Variants in PITPNC1 observed in about 807,000 individuals in gnomAD.
The protein encoded by PITPNC1 is cytoplasmic phosphatidylinositol transfer protein 1.
A neutral mutation model predicts 44.7 loss-of-function variants in PITPNC1; 18 were observed. The ratio of observed to expected loss-of-function variants is 0.40; its 90% CI spans 0.28 to 0.60. The LOEUF (loss-of-function observed/expected upper bound fraction) is 0.60, where lower values mean the gene tolerates loss of function less well. PITPNC1 is among the 20% of genes least tolerant of loss of function. The probability of loss-of-function intolerance (pLI) is 0.39; values close to 1 mark genes in which losing one functional copy is unlikely to be tolerated. For synonymous variants in PITPNC1, 141 were observed against 149.6 expected, an observed-to-expected ratio of 0.94 and a Z score of 0.42; for missense variants, 290 against 418.4, an observed-to-expected ratio of 0.69 and a Z score of 2.68.
At chr17:67,424,080 T>G (rs1379863564) in intron 1 of PITPNC1, among the ~76,000 whole-genome samples, 2 of 115,112 alleles carry the variant, frequency 1.7e-5, no homozygotes, top group African/African-American at 3.5e-5. Context: ...AGTGGGAGAC[T>G]GTCTCAAAAA....
At chr17:67,383,889 T>C (rs966394624) in intron 1 of PITPNC1, among the ~76,000 whole-genome samples, 1 of 151,926 alleles carries the variant, frequency 6.6e-6, no homozygotes, top group Non-Finnish European at 1.5e-5. Flanking sequence ...AATACAAAAT[T>C]AGCCAGGCGT....
chr17:67,420,374 TCCTCCCTCC>T (rs138570444), intron 1 of PITPNC1, among the ~76,000 whole-genome samples: 130 of 67,576 alleles, frequency 1.9e-3, no homozygotes, highest in African/African-American at 6.8e-3. Context: ...CTTCCTTCCT[TCCTCCCTCC>T]CCTCCCTCCC....
intron 1 of PITPNC1, among the ~76,000 whole-genome samples, chr17:67,403,218 C>CAAAAAAAAAAAAAAAAAAAAAAAAAAAA (rs34768084): frequency 1.4e-5 from 1 of 68,974 alleles, no homozygotes; most frequent in African/African-American, 5.2e-5. Flanking sequence ...CTCATCTCTA[C>CAAAAAAAAAAAAAAAAAAAAAAAAAAAA]AAAAAAAAAA....
At chr17:67,546,582 G>A (rs35336330) in intron 2 of PITPNC1, among the ~76,000 whole-genome samples, 4,388 of 152,286 alleles carry the variant, frequency 0.029, 89 homozygotes, top group Middle Eastern at 0.058. Flanking sequence ...TGTGTCCTGT[G>A]TCGCCTTGCC....
intron 4 of PITPNC1, among the ~76,000 whole-genome samples, chr17:67,567,441 G>A (rs536371512): frequency 3.6e-4 from 55 of 151,924 alleles, no homozygotes; most frequent in Admixed American, 5.9e-4. Context: ...CCAAAATTGC[G>A]CCACTGCAAT....
At position 67,377,829 on chromosome 17, in the gene PITPNC1, G is replaced by GCCGCTCCTACCA. The variant is rs2037894865; in HGVS notation, c.-323_-312dup. ...CTGCCGGGCATGTCCTGATCTGGCGGCCGCTCCTACCACCCTGGGCAGCCG... is the reference window on the plus strand; with the variant it reads ...CTGCCGGGCATGTCCTGATCTGGCGGCCGCTCCTACCACCGCTCCTACCACCCTGGGCAGCCG... On this transcript the variant is annotated 5_prime_UTR_variant, in exon 1 of 9. Transcript: ENST00000581322. The GCCGCTCCTACCA allele has an allele frequency of 3.2e-6, 1 of 314,072 alleles. No individual in the cohort carries two copies. The highest frequency in any genetic ancestry group is 2.2e-5 in the African/African-American group (1 of 46,214). The allele number at this position is 314,072 out of a possible 1,614,324, so 19.5% of individuals were successfully genotyped here. A position where few individuals can be genotyped will look rare whatever the true frequency, so the allele number is the denominator to read the frequency against.
intron 1 of PITPNC1, among the ~76,000 whole-genome samples, chr17:67,434,920 C>T (rs2038914032): frequency 6.6e-6 from 1 of 151,622 alleles, no homozygotes; most frequent in Admixed American, 6.6e-5. Context: ...ACCAGCCTGG[C>T]CAACATGGAG....
chr17:67,692,542 T>C, intron 8 of PITPNC1, 30 bp from the exon 9 acceptor site: 1 of 1,525,584 alleles, frequency 6.6e-7, no homozygotes, highest in African/African-American at 1.4e-5. Flanking sequence ...AAATAACTGC[T>C]CGTTTTTCTT....
intron 1 of PITPNC1, among the ~76,000 whole-genome samples, chr17:67,425,423 T>C (rs2038749533): frequency 6.6e-6 from 1 of 151,582 alleles, no homozygotes; most frequent in East Asian, 1.9e-4. Context: ...CTTCTTCCTG[T>C]CTTCTTTCTT....
intron 2 of PITPNC1, among the ~76,000 whole-genome samples, chr17:67,539,124 T>C (rs145302136): frequency 1.5e-4 from 23 of 152,282 alleles, no homozygotes; most frequent in African/African-American, 5.5e-4. Context: ...CATCCTCTTT[T>C]ACACACATCA....
At chr17:67,462,863 C>T (rs1321268069) in intron 1 of PITPNC1, among the ~76,000 whole-genome samples, 2 of 152,134 alleles carry the variant, frequency 1.3e-5, no homozygotes, top group Non-Finnish European at 2.9e-5. Flanking sequence ...CCGCTACGCC[C>T]GGCTAATTTT....
In PITPNC1 at chr17:67,545,682, T is replaced by A. The variant is rs547775857; in HGVS notation, c.198-6575T>A. 2.6e-5 allele frequency among the ~76,000 whole-genome samples: 4 copies of A among 152,262 alleles called. No homozygotes were observed. The East Asian group carries it at 7.7e-4, about 29-fold the overall frequency. On this transcript the variant is annotated intron_variant, in intron 2 of 8. Transcript: ENST00000581322. ...GCCCATGCTATGTTTGAAAGATGGC[T>A]CCTTATCTAGTAATAGCTGGTCAAG... is the stretch of plus-strand genomic sequence containing the variant.
intron 8 of PITPNC1, among the ~76,000 whole-genome samples, chr17:67,686,896 C>T (rs546332554): frequency 1.3e-5 from 2 of 152,100 alleles, no homozygotes; most frequent in African/African-American, 4.8e-5. Flanking sequence ...GCCCTCACTC[C>T]CCCTTTGGTT....
chr17:67,563,556 G>A (rs1484129060), intron 4 of PITPNC1, among the ~76,000 whole-genome samples: 2 of 152,162 alleles, frequency 1.3e-5, no homozygotes, highest in African/African-American at 4.8e-5. Context: ...TCTTCTCAAT[G>A]AGTGGTTTTC....
intron 6 of PITPNC1, among the ~76,000 whole-genome samples, chr17:67,656,715 TGG>T (rs2042272816): frequency 3.3e-5 from 5 of 152,104 alleles, no homozygotes; most frequent in African/African-American, 1.2e-4. Context: ...AACTTGCCTG[TGG>T]AAAGGCCCAG....
At chr17:67,603,700 C>T (rs545825074) in intron 5 of PITPNC1, among the ~76,000 whole-genome samples, 20 of 152,212 alleles carry the variant, frequency 1.3e-4, no homozygotes, top group African/African-American at 4.3e-4. Context: ...GAGGCTGAGG[C>T]GGACGAATCA....
rs1491153982 is a variant in PITPNC1, at chr17:67,425,196, C to CGT, written c.48+46995_48+46996insTG. Among the ~76,000 whole-genome samples, 18 of 31,612 alleles carry CGT rather than the reference C, an allele frequency of 5.7e-4. 1 individual carries two copies. The South Asian group carries it at 0.011, about 20-fold the overall frequency. The allele number at this position is 31,612 out of a possible 152,430, so 20.7% of individuals were successfully genotyped here. Reference sequence around the variant, plus strand: ...TAAACAGCCATGTTGTGCGCGCGCACGCACACGCACACACACACACACACA... The same window carrying CGT: ...TAAACAGCCATGTTGTGCGCGCGCACGTGCACACGCACACACACACACACACA... On this transcript the variant is annotated intron_variant, in intron 1 of 8. Coordinates refer to ENST00000581322, the MANE Select transcript of PITPNC1 (RefSeq NM_012417.4).
intron 1 of PITPNC1, among the ~76,000 whole-genome samples, chr17:67,486,345 C>T (rs766963593): frequency 3.3e-5 from 5 of 152,092 alleles, no homozygotes; most frequent in Non-Finnish European, 7.4e-5. Flanking sequence ...AAGGAATAGG[C>T]TATTCTATTA....
intron 1 of PITPNC1, among the ~76,000 whole-genome samples, chr17:67,478,544 C>A (rs888898823): frequency 1.3e-5 from 2 of 152,238 alleles, no homozygotes; most frequent in African/African-American, 4.8e-5. Flanking sequence ...CCTTTTATTT[C>A]TCCTCTTTTC....
Sources: allele counts gnomAD v4.1 joint callset (sites outside exome capture counted in the v4.1 genomes callset), GRCh38; gene constraint gnomAD v4.1.1; transcripts MANE v1.5; gene names NCBI Gene and HGNC (gene_info 2026-07-23, HGNC 2026-07-21).